The following AMMECR1 variants were observed in gnomAD, a reference collection of about 807,000 sequenced individuals.
AMMECR1 encodes the protein AMMECR nuclear protein 1.
In AMMECR1, 3 loss-of-function variants were observed where a neutral mutation model predicts 22.5. The observed-to-expected ratio is 0.13, with a 90% CI of 0.06 to 0.35. AMMECR1 has a LOEUF of 0.35. Among genes scored for constraint, AMMECR1 ranks in the 10% least tolerant of loss-of-function variants. The probability of loss-of-function intolerance (pLI) is 1.00; values close to 1 mark genes in which losing one functional copy is unlikely to be tolerated. For synonymous variants in AMMECR1, 130 were observed against 116.7 expected, an observed-to-expected ratio of 1.11 and a Z score of -0.74; for missense variants, 235 against 278.7, an observed-to-expected ratio of 0.84 and a Z score of 1.12.
At chrX:110,262,671 T>C (rs757678108) in intron 2 of AMMECR1, among the ~76,000 whole-genome samples, 10 of 112,396 alleles carry the variant, frequency 8.9e-5, no homozygotes, top group African/African-American at 3.2e-4. Context: ...GCTACCACAA[T>C]GACCACTACG....
At chrX:110,419,754 G>A (rs781316788) in intron 2 of AMMECR1, among the ~76,000 whole-genome samples, 24 of 112,565 alleles carry the variant, frequency 2.1e-4, no homozygotes, top group African/African-American at 7.7e-4. Flanking sequence ...AAAGGGAAGA[G>A]TTTGTTGAAA....
At chrX:110,427,226 C>G (rs2068760616) in intron 1 of AMMECR1, among the ~76,000 whole-genome samples, 1 of 111,825 alleles carries the variant, frequency 8.9e-6, no homozygotes, top group Non-Finnish European at 1.9e-5. Flanking sequence ...ACCATTCTCC[C>G]CAAAGTGGCC....
intron 3 of AMMECR1, among the ~76,000 whole-genome samples, chrX:110,211,951 T>C (rs1288589128): frequency 8.9e-6 from 1 of 111,934 alleles, no homozygotes; most frequent in Non-Finnish European, 1.9e-5. Flanking sequence ...ATAATTACTA[T>C]TCTGAGGAAA....
intron 1 of AMMECR1, among the ~76,000 whole-genome samples, chrX:110,272,012 G>A (rs1446073654): frequency 1.8e-5 from 2 of 110,352 alleles, no homozygotes; most frequent in Admixed American, 9.7e-5. Flanking sequence ...TCAGGAGATC[G>A]AGACCATCCT....
At chrX:110,329,898 GC>G (rs1210228291) in intron 2 of AMMECR1, among the ~76,000 whole-genome samples, 1 of 111,867 alleles carries the variant, frequency 8.9e-6, no homozygotes, top group Admixed American at 9.5e-5. Context: ...GTTTTTAGGT[GC>G]TTTTAAGCTT....
At chrX:110,234,470 A>T (rs1207374334) in intron 2 of AMMECR1, among the ~76,000 whole-genome samples, 1 of 112,157 alleles carries the variant, frequency 8.9e-6, no homozygotes, top group African/African-American at 3.2e-5. Context: ...CAGAACTGGA[A>T]AAAAACTACT....
At chrX:110,391,717 C>T (rs1163676888) in intron 2 of AMMECR1, among the ~76,000 whole-genome samples, 1 of 112,169 alleles carries the variant, frequency 8.9e-6, no homozygotes. Context: ...ATATACAAAG[C>T]CATAACATGT....
At chrX:110,413,821 C>T (rs1314440312) in intron 2 of AMMECR1, among the ~76,000 whole-genome samples, 1 of 111,193 alleles carries the variant, frequency 9.0e-6, no homozygotes, top group Non-Finnish European at 1.9e-5. Context: ...CATCCTGGAA[C>T]ATGATGATGA....
chrX:110,218,842 T>G (rs987587761), intron 2 of AMMECR1, among the ~76,000 whole-genome samples: 1 of 111,186 alleles, frequency 9.0e-6, no homozygotes, highest in Non-Finnish European at 1.9e-5. Flanking sequence ...TTAATCTACT[T>G]TGTTTCTATG....
At chrX:110,214,255 T>C (rs1000588955) in intron 3 of AMMECR1, among the ~76,000 whole-genome samples, 2 of 108,745 alleles carry the variant, frequency 1.8e-5, no homozygotes, top group Non-Finnish European at 3.8e-5. Flanking sequence ...TGAGCGAGAC[T>C]CTGTCTCGAA....
At position 110,402,178 on chromosome X, in the gene AMMECR1, T is replaced by G. The variant is rs142648104; in HGVS notation, c.-148+24480A>C. Among the ~76,000 whole-genome samples the G allele has an allele frequency of 2.7e-4, 30 of 112,915 alleles. No homozygotes were observed. The East Asian group carries it at 7.2e-3, about 27-fold the overall frequency. ...AAACAGAGTCCCTTGCTCTGAGGAA[T>G]GTTGCTATGGTCTATCTTAGATCAA... On this transcript the variant is annotated intron_variant, in intron 2 of 7. Transcript: ENST00000372057.
intron 2 of AMMECR1, among the ~76,000 whole-genome samples, chrX:110,331,423 T>C: frequency 9.1e-6 from 1 of 109,376 alleles, no homozygotes; most frequent in Non-Finnish European, 1.9e-5. Context: ...ACCTTGGCCT[T>C]CTTAGGTATT....
chrX:110,328,574 A>T (rs1454665297), intron 2 of AMMECR1, among the ~76,000 whole-genome samples: 3 of 106,842 alleles, frequency 2.8e-5, no homozygotes, highest in Non-Finnish European at 5.8e-5. Flanking sequence ...CCATAAACCC[A>T]TCATCTACAT....
chrX:110,385,851 T>G (rs756350315), intron 2 of AMMECR1, among the ~76,000 whole-genome samples: 4 of 111,528 alleles, frequency 3.6e-5, no homozygotes, highest in Non-Finnish European at 7.5e-5. Context: ...CCAGTGTCTA[T>G]CGTTCCCATA....
At chrX:110,214,305 A>T (rs1394970551) in intron 3 of AMMECR1, among the ~76,000 whole-genome samples, 1 of 111,796 alleles carries the variant, frequency 8.9e-6, no homozygotes, top group African/African-American at 3.3e-5. Flanking sequence ...TAGGGAACTA[A>T]TACTTAATAG....
At chrX:110,423,464 C>T (rs1298317027) in intron 2 of AMMECR1, among the ~76,000 whole-genome samples, 1 of 112,129 alleles carries the variant, frequency 8.9e-6, no homozygotes, top group Non-Finnish European at 1.9e-5. Context: ...GTTAATTGCT[C>T]AGCCTGAGAG....
chrX:110,416,806 G>T (rs1365274983), intron 2 of AMMECR1, among the ~76,000 whole-genome samples: 2 of 112,235 alleles, frequency 1.8e-5, no homozygotes, highest in East Asian at 5.6e-4. Context: ...TTAGAGGCAA[G>T]GTGGCCCAGT....
At chrX:110,233,269 A>C in intron 2 of AMMECR1, among the ~76,000 whole-genome samples, 1 of 112,149 alleles carries the variant, frequency 8.9e-6, no homozygotes, top group East Asian at 2.8e-4. Flanking sequence ...ACACTCTCCC[A>C]AGACTAAACC....
At chrX:110,299,326 G>A (rs778312126) in intron 1 of AMMECR1, among the ~76,000 whole-genome samples, 2 of 111,740 alleles carry the variant, frequency 1.8e-5, no homozygotes, top group Non-Finnish European at 3.8e-5. Context: ...TCAGATCTAT[G>A]AGATAAACAG....
Sources: gnomAD v4.1 joint callset for allele counts (sites outside exome capture counted in the v4.1 genomes callset) on GRCh38, gnomAD v4.1.1 for gene constraint, MANE v1.5 for transcripts, NCBI Gene and HGNC (gene_info 2026-07-23, HGNC 2026-07-21) for gene names.